Variants in TLK1 observed in about 807,000 individuals in gnomAD.
TLK1 encodes tousled like kinase 1.
In TLK1, 24 loss-of-function variants were observed where a neutral mutation model predicts 105.3. The ratio of observed to expected loss-of-function variants is 0.23; its 90% CI spans 0.17 to 0.32. TLK1 has a LOEUF of 0.32. Among genes scored for constraint, TLK1 ranks in the 10% least tolerant of loss-of-function variants. The pLI, the probability that TLK1 is intolerant of heterozygous loss-of-function variation, is 1.00. For missense variants in TLK1, 558 were observed against 910.5 expected (o/e 0.61, Z 4.98); for synonymous variants, 321 against 310.4 (o/e 1.03, Z -0.36).
In TLK1 at chr2:170,991,347, G is replaced by T. The variant is rs1683773811; in HGVS notation, c.*2433C>A. 6.6e-6 allele frequency: 1 copy of T among 152,170 alleles called. No individual in the cohort carries two copies. Among genetic ancestry groups the T allele is most frequent in the Admixed American group, 6.6e-5 (1 of 15,262 alleles). 9.4% of individuals were successfully genotyped at this position (152,170 alleles called of 1,614,324 possible). ...GTGACCTTGAAATCATTTAGCAATAGATACCAACTTTCCATGTGAGGGTAA... is the reference window on the plus strand; with the variant it reads ...GTGACCTTGAAATCATTTAGCAATATATACCAACTTTCCATGTGAGGGTAA... On this transcript the variant is annotated 3_prime_UTR_variant, in exon 21 of 21. Coordinates refer to ENST00000431350, the MANE Select transcript of TLK1 (RefSeq NM_012290.5).
At chr2:171,208,803 G>A (rs562625783) in intron 1 of TLK1, among the ~76,000 whole-genome samples, 1 of 152,300 alleles carries the variant, frequency 6.6e-6, no homozygotes, top group South Asian at 2.1e-4. Context: ...ACTGCAAAAT[G>A]ATGCAAGCCC....
chr2:171,018,846 T>C (rs572480980), intron 12 of TLK1, among the ~76,000 whole-genome samples: 3 of 152,074 alleles, frequency 2.0e-5, no homozygotes, highest in African/African-American at 4.8e-5. Context: ...GCTATTACAA[T>C]GAAGAAGAGA....
chr2:171,195,800 A>G (rs1575654968), intron 1 of TLK1, among the ~76,000 whole-genome samples: 1 of 152,108 alleles, frequency 6.6e-6, no homozygotes, highest in East Asian at 2.0e-4. Context: ...TGTAATCCCA[A>G]CACTTTGGGA....
At chr2:171,074,626 C>CAAAAAAAAAA (rs372844435) in intron 3 of TLK1, among the ~76,000 whole-genome samples, 2 of 89,948 alleles carry the variant, frequency 2.2e-5, no homozygotes, top group East Asian at 3.1e-4. Flanking sequence ...GACTCTGCCT[C>CAAAAAAAAAA]AAAAAAAAAA....
chr2:171,115,878 T>C (rs1250950504), intron 2 of TLK1, among the ~76,000 whole-genome samples: 4 of 152,228 alleles, frequency 2.6e-5, no homozygotes, highest in African/African-American at 9.6e-5. Context: ...ATCACAGTAC[T>C]CTTTCATCTT....
At chr2:171,098,103 G>A (rs1172921422) in intron 2 of TLK1, among the ~76,000 whole-genome samples, 1 of 152,126 alleles carries the variant, frequency 6.6e-6, no homozygotes, top group Non-Finnish European at 1.5e-5. Flanking sequence ...AGGAACTAGG[G>A]GGTAGGGGAA....
chr2:171,116,309 A>C (rs751784638), intron 2 of TLK1, among the ~76,000 whole-genome samples: 1 of 152,242 alleles, frequency 6.6e-6, no homozygotes, highest in Non-Finnish European at 1.5e-5. Flanking sequence ...GAAACATGAG[A>C]AAATCAGTTC....
intron 3 of TLK1, among the ~76,000 whole-genome samples, chr2:171,076,101 C>T (rs1688490116): frequency 1.3e-5 from 2 of 152,134 alleles, no homozygotes; most frequent in South Asian, 4.2e-4. Context: ...GCCTGTAATC[C>T]CAGCTACTCA....
intron 3 of TLK1, chr2:171,081,802 T>A: frequency 1.3e-6 from 1 of 771,270 alleles, no homozygotes; most frequent in Non-Finnish European, 1.9e-6. Flanking sequence ...ACTGTCTACC[T>A]AGAGATTTCT....
intron 1 of TLK1, among the ~76,000 whole-genome samples, chr2:171,137,780 T>C (rs1691390087): frequency 6.6e-6 from 1 of 150,784 alleles, no homozygotes; most frequent in Non-Finnish European, 1.5e-5. Context: ...ACCCAGGAGG[T>C]GAAGGTTGCA....
chr2:171,215,917 C>G (rs1163505729), intron 1 of TLK1, among the ~76,000 whole-genome samples: 1 of 152,204 alleles, frequency 6.6e-6, no homozygotes, highest in Non-Finnish European at 1.5e-5. Flanking sequence ...ATAATCAACT[C>G]ATGGTTCCTC....
At chr2:171,108,083 C>A (rs113758390) in intron 2 of TLK1, among the ~76,000 whole-genome samples, 7,944 of 66,230 alleles carry the variant, frequency 0.12, 528 homozygotes, top group African/African-American at 0.38. Context: ...ACAACAACAA[C>A]AACAAAAAAA....
intron 2 of TLK1, among the ~76,000 whole-genome samples, chr2:171,103,364 G>A (rs1024153367): frequency 3.3e-5 from 5 of 151,084 alleles, no homozygotes; most frequent in African/African-American, 9.8e-5. Context: ...AATCTCCGCC[G>A]CCTCCTGGGT....
At chr2:171,015,583 T>C (rs1685142559) in intron 12 of TLK1, among the ~76,000 whole-genome samples, 1 of 151,906 alleles carries the variant, frequency 6.6e-6, no homozygotes, top group Admixed American at 6.6e-5. Context: ...TAATAATCAA[T>C]ATAAATATTT....
chr2:171,116,826 C>G (rs1438455810), intron 2 of TLK1, among the ~76,000 whole-genome samples: 2 of 152,050 alleles, frequency 1.3e-5, no homozygotes, highest in Non-Finnish European at 2.9e-5. Flanking sequence ...TACAGAAATA[C>G]TCATGCACTC....
chr2:171,178,228 C>T (rs728456), intron 1 of TLK1, among the ~76,000 whole-genome samples: 6,885 of 152,114 alleles, frequency 0.045, 460 homozygotes, highest in East Asian at 0.3. Flanking sequence ...AGCAGTAAAA[C>T]TCAGGTTTAG....
chr2:171,086,638 C>CAAACA (rs1553474868), intron 2 of TLK1, among the ~76,000 whole-genome samples: 18 of 108,952 alleles, frequency 1.7e-4, no homozygotes, highest in Middle Eastern at 4.4e-3. Context: ...AAAAAACAAA[C>CAAACA]AAAAAAAAAA....
intron 3 of TLK1, among the ~76,000 whole-genome samples, chr2:171,064,948 C>G (rs1687919120): frequency 6.6e-6 from 1 of 152,122 alleles, no homozygotes; most frequent in African/African-American, 2.4e-5. Context: ...AACTAATCCT[C>G]CAATTTTACT....
At position 171,006,714 on chromosome 2, in the gene TLK1, G is replaced by GA; in HGVS notation, c.1599-72dup. The GA allele has an allele frequency of 1.9e-6, 3 of 1,594,474 alleles. No individual in the cohort carries two copies. The East Asian group carries it at 6.7e-5, about 36-fold the overall frequency. ...AATTCAGAATCACAATGGGGAAATG[G>GA]AGAGTATTTATATCATCAACACAGG... On this transcript the variant is annotated intron_variant, in intron 16 of 20. Coordinates refer to ENST00000431350, the MANE Select transcript of TLK1 (RefSeq NM_012290.5).
Sources: gnomAD v4.1 joint callset for allele counts (sites outside exome capture counted in the v4.1 genomes callset) on GRCh38, gnomAD v4.1.1 for gene constraint, MANE v1.5 for transcripts, NCBI Gene and HGNC (gene_info 2026-07-23, HGNC 2026-07-21) for gene names.